FTCDNL1: variants seen among roughly 807,000 people sequenced by gnomAD.
The protein encoded by FTCDNL1 is formiminotransferase N-terminal subdomain-containing protein.
Under a neutral mutation model 5.9 loss-of-function variants are expected in FTCDNL1, and 11 were observed. The observed-to-expected ratio is 1.87, with a 90% CI of 1.18 to 3.10. The LOEUF (loss-of-function observed/expected upper bound fraction) is 3.10, where lower values mean the gene tolerates loss of function less well. FTCDNL1 is among the 30% of genes most tolerant of loss of function. The pLI, the probability that FTCDNL1 is intolerant of heterozygous loss-of-function variation, is 0.00. For missense variants in FTCDNL1, 115 were observed against 65.5 expected (o/e 1.76, Z -2.61); for synonymous variants, 58 against 24.8 (o/e 2.34, Z -3.99).
At chr2:199,718,837 G>A in the FTCDNL1 span, among the ~76,000 whole-genome samples, 2 of 152,036 alleles carry the variant, frequency 1.3e-5, no homozygotes, top group Non-Finnish European at 2.9e-5. Flanking sequence ...CCAAGTGGAT[G>A]TCTTGTTTTC....
intron 3 of FTCDNL1, among the ~76,000 whole-genome samples, chr2:199,831,557 A>C (rs1183579305): frequency 1.3e-5 from 2 of 152,224 alleles, no homozygotes; most frequent in Admixed American, 1.3e-4. Context: ...TGAAAAAATT[A>C]TAGTATAAGA....
chr2:199,754,043 C>G, the FTCDNL1 span, among the ~76,000 whole-genome samples: 1 of 152,308 alleles, frequency 6.6e-6, no homozygotes, highest in African/African-American at 2.4e-5. Context: ...GTGCCAGTGA[C>G]TTGGCCGGGC....
chr2:199,786,284 G>A (rs184501513), intron 3 of FTCDNL1, among the ~76,000 whole-genome samples: 13 of 151,880 alleles, frequency 8.6e-5, no homozygotes, highest in Non-Finnish European at 1.3e-4. Flanking sequence ...TACACATAAT[G>A]GGGACTTCAG....
the FTCDNL1 span, among the ~76,000 whole-genome samples, chr2:199,694,631 G>C: frequency 1.3e-5 from 2 of 152,162 alleles, no homozygotes. Flanking sequence ...TCTGAGATCA[G>C]CCTGGGCAAC....
chr2:199,713,940 A>C, the FTCDNL1 span, among the ~76,000 whole-genome samples: 1 of 152,182 alleles, frequency 6.6e-6, no homozygotes, highest in Non-Finnish European at 1.5e-5. Flanking sequence ...CCAAAACCTA[A>C]TGGCAAAACT....
the FTCDNL1 span, among the ~76,000 whole-genome samples, chr2:199,664,483 G>A: frequency 2.0e-5 from 3 of 152,064 alleles, no homozygotes; most frequent in Non-Finnish European, 2.9e-5. Flanking sequence ...ATTCAATTCT[G>A]CTTTAATATC....
intron 3 of FTCDNL1, chr2:199,760,948 A>C: frequency 4.4e-6 from 3 of 687,832 alleles, no homozygotes; most frequent in Non-Finnish European, 8.0e-6. Flanking sequence ...GGCTGACAGT[A>C]GCTACCTGGC....
chr2:199,677,942 G>C, the FTCDNL1 span, among the ~76,000 whole-genome samples: 1 of 152,162 alleles, frequency 6.6e-6, no homozygotes, highest in African/African-American at 2.4e-5. Flanking sequence ...TAAACGTCAA[G>C]TATGGGTTAA....
chr2:199,794,537 A>T (rs2106375909), intron 3 of FTCDNL1, among the ~76,000 whole-genome samples: 1 of 152,324 alleles, frequency 6.6e-6, no homozygotes, highest in South Asian at 2.1e-4. Context: ...CATTCTCATT[A>T]AATTAAGAAC....
the FTCDNL1 span, among the ~76,000 whole-genome samples, chr2:199,664,007 G>A: frequency 2.0e-5 from 3 of 151,500 alleles, no homozygotes; most frequent in Admixed American, 6.6e-5. Context: ...ATACACTGAC[G>A]TGCTCTTCAG....
the FTCDNL1 span, among the ~76,000 whole-genome samples, chr2:199,747,422 A>G: frequency 3.3e-5 from 5 of 152,162 alleles, no homozygotes; most frequent in Non-Finnish European, 7.4e-5. Flanking sequence ...AAGGGCTGCA[A>G]GGCCTCGAGC....
At chr2:199,839,630 A>G (rs2076529008) in intron 3 of FTCDNL1, among the ~76,000 whole-genome samples, 1 of 152,212 alleles carries the variant, frequency 6.6e-6, no homozygotes, top group South Asian at 2.1e-4. Context: ...GACCCATACA[A>G]AAGCACTTCA....
the FTCDNL1 span, among the ~76,000 whole-genome samples, chr2:199,664,620 T>C: frequency 6.6e-6 from 1 of 152,174 alleles, no homozygotes. Context: ...ATACTGGAAC[T>C]TAAAGATATC....
chr2:199,752,738 C>CTGTG, the FTCDNL1 span, among the ~76,000 whole-genome samples: 33 of 25,274 alleles, frequency 1.3e-3, no homozygotes, highest in African/African-American at 1.7e-3. Flanking sequence ...ATCTCTCTCT[C>CTGTG]TCTGTGTGTG....
the FTCDNL1 span, among the ~76,000 whole-genome samples, chr2:199,667,550 T>TG: frequency 6.6e-6 from 1 of 152,154 alleles, no homozygotes; most frequent in African/African-American, 2.4e-5. Context: ...GTGGGAGGAC[T>TG]GCTTGAGCCT....
chr2:199,847,137 G>A (rs1459082286), intron 2 of FTCDNL1, among the ~76,000 whole-genome samples: 1 of 150,106 alleles, frequency 6.7e-6, no homozygotes, highest in African/African-American at 2.5e-5. Context: ...CCTGGTGTAG[G>A]TCTAAAATTT....
intron 3 of FTCDNL1, among the ~76,000 whole-genome samples, chr2:199,835,127 A>G (rs1702638702): frequency 6.6e-6 from 1 of 152,120 alleles, no homozygotes; most frequent in Non-Finnish European, 1.5e-5. Context: ...GCAGTGAGCT[A>G]GGATTGCACT....
intron 3 of FTCDNL1, among the ~76,000 whole-genome samples, chr2:199,790,500 A>G (rs1237215153): frequency 6.6e-6 from 1 of 151,388 alleles, no homozygotes; most frequent in Non-Finnish European, 1.5e-5. Context: ...TCTGTCTCAA[A>G]AAAAAAAAAA....
downstream of FTCDNL1, among the ~76,000 whole-genome samples, chr2:199,757,189 A>G (rs528638492): frequency 2.0e-5 from 3 of 152,364 alleles, no homozygotes; most frequent in East Asian, 5.8e-4. Flanking sequence ...GGAAAAGTCC[A>G]TAACACAGGA....
Sources: gnomAD v4.1 joint callset for allele counts (sites outside exome capture counted in the v4.1 genomes callset) on GRCh38, gnomAD v4.1.1 for gene constraint, MANE v1.5 for transcripts, NCBI Gene and HGNC (gene_info 2026-07-23, HGNC 2026-07-21) for gene names.